Variants in PDZD2 observed in about 807,000 individuals in gnomAD.
PDZD2 encodes PDZ domain-containing protein 2.
In PDZD2, 90 loss-of-function variants were observed where a neutral mutation model predicts 220.7. The ratio of observed to expected loss-of-function variants is 0.41; its 90% CI spans 0.34 to 0.49. The LOEUF is 0.49. PDZD2 is among the 20% of genes least tolerant of loss of function. The probability of loss-of-function intolerance (pLI) is 0.28; values close to 1 mark genes in which losing one functional copy is unlikely to be tolerated. For synonymous variants in PDZD2, 1,375 were observed against 1,450.5 expected (o/e 0.95, Z 1.18); for missense variants, 3,174 against 3,608.5 (o/e 0.88, Z 3.08).
Position 31,948,237 on chromosome 5 carries a change from T to C in PDZD2, c.477-34918T>C, listed in dbSNP as rs367726134. On this transcript the variant is annotated intron_variant, in intron 2 of 24. Transcript: ENST00000438447. ...GCTATGCTCCAGAGTTCGGAGTTGT[T>C]TGGGCGAGCAAGCTGGGACATGTAA... is the stretch of plus-strand genomic sequence containing the variant. 1.8e-3 allele frequency among the ~76,000 whole-genome samples: 273 copies of C among 152,276 alleles called. 2 individuals carry two copies. Among genetic ancestry groups the C allele is most frequent in the African/African-American group, 6.3e-3 (260 of 41,538 alleles).
chr5:31,690,155 T>C (rs1327562365), intron 1 of PDZD2, among the ~76,000 whole-genome samples: 1 of 152,142 alleles, frequency 6.6e-6, no homozygotes, highest in Non-Finnish European at 1.5e-5. Flanking sequence ...AGGGAGACAC[T>C]GTCAAAGTGC....
At chr5:31,815,241 G>T (rs1329143164) in intron 2 of PDZD2, among the ~76,000 whole-genome samples, 15 of 84,140 alleles carry the variant, frequency 1.8e-4, no homozygotes, top group African/African-American at 7.9e-4. Flanking sequence ...GCAAAACTCT[G>T]TCTCAAAAAA....
chr5:31,840,371 CTCAT>C (rs1757191851), intron 2 of PDZD2: 1 of 145,788 alleles, frequency 6.9e-6, no homozygotes. Flanking sequence ...ATCCCCCACA[CTCAT>C]TCAAAGAGTA....
Position 32,037,339 on chromosome 5 carries a change from T to G in PDZD2, c.1516T>G (p.Ser506Ala). ...TAAAATCAAGCTCAAGAGTCGCCTT[T>G]CAGGTAGGTGGGGGCTCTACCTGAT... ...SNKIKLKSRL[S>A]GGVHRLESVE... is the part of the protein sequence containing the mutation. Residue 506 changes from serine to alanine, a missense_variant, in exon 7 of 25, where the codon TCA becomes GCA. This residue lies in a region of PDZD2 where 632 missense variants were observed against 708.1 expected (regional missense o/e 0.89). Transcript: ENST00000438447. 1.3e-6 allele frequency: 2 copies of G among 1,584,258 alleles called. No homozygotes were observed. Among genetic ancestry groups the G allele is most frequent in the Non-Finnish European group, 1.7e-6 (2 of 1,152,972 alleles).
chr5:31,814,514 G>C (rs772616525), intron 2 of PDZD2, among the ~76,000 whole-genome samples: 2 of 152,180 alleles, frequency 1.3e-5, no homozygotes, highest in Admixed American at 1.3e-4. Context: ...TTGGTTGAAA[G>C]AGTTATTATC....
At chr5:31,787,858 C>T (rs150358735) in intron 1 of PDZD2, 2 of 152,198 alleles carry the variant, frequency 1.3e-5, no homozygotes, top group Admixed American at 6.5e-5. Context: ...CCCAAGTGCA[C>T]CTTCCATGGG....
intron 1 of PDZD2, among the ~76,000 whole-genome samples, chr5:31,706,304 G>A (rs1481080458): frequency 2.6e-5 from 4 of 152,318 alleles, no homozygotes; most frequent in Non-Finnish European, 5.9e-5. Context: ...GTTCAGCAAA[G>A]ACCTCAGTTT....
chr5:31,801,109 T>C (rs957460352), intron 2 of PDZD2, among the ~76,000 whole-genome samples: 2 of 152,138 alleles, frequency 1.3e-5, no homozygotes, highest in Non-Finnish European at 2.9e-5. Flanking sequence ...CAAGCAGTCA[T>C]TGGGCACATA....
intron 2 of PDZD2, among the ~76,000 whole-genome samples, chr5:31,831,516 A>G (rs1477021302): frequency 6.6e-6 from 1 of 152,148 alleles, no homozygotes; most frequent in East Asian, 1.9e-4. Flanking sequence ...TGGGAGGCCG[A>G]GGCGGGTGGT....
In PDZD2 at chr5:32,092,739, CA is replaced by C. The variant is rs1202336366; in HGVS notation, c.7728-167del. Among the ~76,000 whole-genome samples the C allele has an allele frequency of 1.7e-4, 26 of 152,236 alleles. No homozygotes were observed. In the East Asian group the frequency reaches 4.4e-3, roughly 26 times the overall value. ...GTGAATGACATTTCTGTTCAGCACT[CA>C]GGATTTATTCTTCCATTAGTTTGGA... On this transcript the variant is annotated intron_variant, in intron 20 of 24. Transcript: ENST00000438447.
At chr5:31,753,122 A>G (rs764947498) in intron 1 of PDZD2, among the ~76,000 whole-genome samples, 1 of 152,242 alleles carries the variant, frequency 6.6e-6, no homozygotes, top group Non-Finnish European at 1.5e-5. Context: ...TTAAATGTCT[A>G]TGAGGTATCA....
At chr5:31,655,706 C>A (rs1365731152) in intron 1 of PDZD2, among the ~76,000 whole-genome samples, 1 of 152,078 alleles carries the variant, frequency 6.6e-6, no homozygotes, top group Non-Finnish European at 1.5e-5. Context: ...AACACTGATG[C>A]CCCAGGGAGG....
chr5:31,903,508 C>A (rs1464174280), intron 2 of PDZD2, among the ~76,000 whole-genome samples: 1 of 150,524 alleles, frequency 6.6e-6, no homozygotes, highest in East Asian at 1.9e-4. Context: ...ATTAGCTGGG[C>A]AGGGTGGCAC....
chr5:31,824,768 G>A (rs1411254018), intron 2 of PDZD2, among the ~76,000 whole-genome samples: 1 of 152,034 alleles, frequency 6.6e-6, no homozygotes, highest in East Asian at 1.9e-4. Flanking sequence ...TTTAAAATGG[G>A]AATAAAATGC....
intron 1 of PDZD2, among the ~76,000 whole-genome samples, chr5:31,718,660 G>T (rs1419974946): frequency 1.4e-5 from 2 of 145,896 alleles, no homozygotes; most frequent in Non-Finnish European, 3.0e-5. Context: ...AAAGCCACTA[G>T]TTAGGTTGGA....
chr5:31,706,349 C>A (rs566921166), intron 1 of PDZD2, among the ~76,000 whole-genome samples: 2 of 152,154 alleles, frequency 1.3e-5, no homozygotes, highest in Admixed American at 1.3e-4. Flanking sequence ...GCAGTGGGGA[C>A]AGGTTTTGGC....
Position 32,098,056 on chromosome 5 carries a change from C to T in PDZD2, c.7948-308C>T, listed in dbSNP as rs1290244608. Among the ~76,000 whole-genome samples the T allele has an allele frequency of 1.3e-5, 2 of 152,108 alleles. No homozygotes were observed. The highest frequency in any genetic ancestry group is 6.5e-5 in the Admixed American group (1 of 15,276). The stretch of plus-strand genomic sequence containing the variant: ...ATCACCTGAGGTCAGGAGTTTGAGA[C>T]CAGCATGGCCAACATGGTGAAACCC... On this transcript the variant is annotated intron_variant, in intron 22 of 24. Coordinates refer to ENST00000438447, the MANE Select transcript of PDZD2 (RefSeq NM_178140.4). The surrounding 1 kb of genome is among the most constrained non-coding windows in gnomAD (Gnocchi z 4.1).
intron 1 of PDZD2, among the ~76,000 whole-genome samples, chr5:31,764,921 A>G (rs1007120490): frequency 6.6e-6 from 1 of 152,186 alleles, no homozygotes; most frequent in Admixed American, 6.5e-5. Context: ...TACTAAAAAT[A>G]CAAAAACTCT....
chr5:32,050,364 C>T (rs1418823570), intron 8 of PDZD2, among the ~76,000 whole-genome samples: 1 of 152,178 alleles, frequency 6.6e-6, no homozygotes, highest in Non-Finnish European at 1.5e-5. Flanking sequence ...CATTTTTAAC[C>T]ACACTTCAGG....
Sources: gnomAD v4.1 joint callset for allele counts (sites outside exome capture counted in the v4.1 genomes callset) on GRCh38, gnomAD v4.1.1 for gene constraint, gnomAD v4.1.1 regional missense constraint, Gnocchi (gnomAD v3.1) non-coding constraint, MANE v1.5 for transcripts, NCBI Gene and HGNC (gene_info 2026-07-23, HGNC 2026-07-21) for gene names.